The following AHI1 variants were observed in gnomAD, a reference collection of about 807,000 sequenced individuals.
AHI1 encodes jouberin.
In AHI1, 123 loss-of-function variants were observed where a neutral mutation model predicts 149.3. That is an observed-to-expected ratio of 0.82 (90% CI 0.71 to 0.96). The LOEUF is 0.96. AHI1 is among the 40% of genes least tolerant of loss of function. AHI1 has a pLI of 0.00. For missense variants in AHI1, 1,439 were observed against 1,422.7 expected, an observed-to-expected ratio of 1.01 and a Z score of -0.18; for synonymous variants, 475 against 459.8, an observed-to-expected ratio of 1.03 and a Z score of -0.42.
At chr6:135,488,414 AT>A (rs1003216189) in intron 5 of AHI1, among the ~76,000 whole-genome samples, 7 of 152,214 alleles carry the variant, frequency 4.6e-5, no homozygotes, top group South Asian at 2.1e-4. Flanking sequence ...CAATTCCATC[AT>A]TTTAGGCCTG....
intron 25 of AHI1, among the ~76,000 whole-genome samples, chr6:135,322,022 C>T (rs546580200): frequency 5.6e-4 from 85 of 152,244 alleles, no homozygotes; most frequent in Non-Finnish European, 9.1e-4. Flanking sequence ...AGGCTGGTCT[C>T]GAACTCCTGA....
chr6:135,331,532 T>A (rs1385411268), intron 24 of AHI1, among the ~76,000 whole-genome samples: 1 of 152,168 alleles, frequency 6.6e-6, no homozygotes, highest in Non-Finnish European at 1.5e-5. Flanking sequence ...TTCAAGGGAT[T>A]AAATATTATT....
At chr6:135,370,794 T>C (rs531206281) in intron 23 of AHI1, among the ~76,000 whole-genome samples, 15 of 152,300 alleles carry the variant, frequency 9.8e-5, no homozygotes, top group Admixed American at 9.8e-4. Flanking sequence ...ATTTATATGG[T>C]TGCTTTTTAA....
At chr6:135,300,348 A>G (rs990819408) in intron 27 of AHI1, among the ~76,000 whole-genome samples, 152 bp downstream of exon 27, 1 of 151,820 alleles carries the variant, frequency 6.6e-6, no homozygotes, top group African/African-American at 2.4e-5. Flanking sequence ...AAAGAAAAAA[A>G]AATCGTAAAC....
chr6:135,423,891 T>C (rs1783573225), intron 20 of AHI1, among the ~76,000 whole-genome samples: 1 of 151,996 alleles, frequency 6.6e-6, no homozygotes, highest in Non-Finnish European at 1.5e-5. Flanking sequence ...TATCAGACAA[T>C]GCTGAGAACT....
chr6:135,344,901 TCA>T (rs763257742), intron 24 of AHI1, among the ~76,000 whole-genome samples: 4 of 149,004 alleles, frequency 2.7e-5, no homozygotes, highest in South Asian at 2.1e-4. Context: ...AAATTATTTC[TCA>T]GTTTATTGAA....
At chr6:135,313,877 G>A (rs763014191) in intron 26 of AHI1, among the ~76,000 whole-genome samples, 14 of 152,280 alleles carry the variant, frequency 9.2e-5, no homozygotes, top group South Asian at 4.1e-4. Context: ...ACTAAGGGAG[G>A]GGGGGTCAGG....
intron 14 of AHI1, among the ~76,000 whole-genome samples, chr6:135,440,526 C>T (rs538089932): frequency 3.3e-5 from 5 of 152,244 alleles, no homozygotes; most frequent in African/African-American, 1.2e-4. Flanking sequence ...AAAGACCTGA[C>T]AGGCTTTACT....
chr6:135,479,766 A>G (rs1288740078), intron 5 of AHI1, among the ~76,000 whole-genome samples: 1 of 152,168 alleles, frequency 6.6e-6, no homozygotes, highest in Non-Finnish European at 1.5e-5. Context: ...GGGTGGAATG[A>G]TATGGTTTGG....
In AHI1 at chr6:135,483,511, A is replaced by T. The variant is rs148619182; in HGVS notation, c.135+7112T>A. Reference sequence around the variant, plus strand: ...ATAAAATCAAGATAATACGGTATACACAATAAAAGTGAGGAAATTTTGGCT... The same window carrying T: ...ATAAAATCAAGATAATACGGTATACTCAATAAAAGTGAGGAAATTTTGGCT... On this transcript the variant is annotated intron_variant, in intron 5 of 28. Transcript: ENST00000265602. Among the ~76,000 whole-genome samples, 24 of 152,358 alleles carry T rather than the reference A, an allele frequency of 1.6e-4. No homozygotes were observed. In the East Asian group the frequency reaches 4.6e-3, roughly 29 times the overall value.
intron 23 of AHI1, among the ~76,000 whole-genome samples, chr6:135,372,164 G>A (rs1285294646): frequency 6.6e-6 from 1 of 152,164 alleles, no homozygotes; most frequent in Non-Finnish European, 1.5e-5. Context: ...CCCCAGCAGA[G>A]GGGTATCAGT....
chr6:135,322,796 A>T (rs1039041351), intron 25 of AHI1, among the ~76,000 whole-genome samples: 4 of 152,216 alleles, frequency 2.6e-5, no homozygotes, highest in Non-Finnish European at 5.9e-5. Flanking sequence ...GCAGTTGGGG[A>T]ACTAGAAGCT....
intron 26 of AHI1, among the ~76,000 whole-genome samples, chr6:135,310,864 A>G (rs1329044704): frequency 6.6e-6 from 1 of 152,178 alleles, no homozygotes; most frequent in Non-Finnish European, 1.5e-5. Flanking sequence ...ATAGTACTTT[A>G]CTACTTTGGG....
intron 18 of AHI1, among the ~76,000 whole-genome samples, chr6:135,429,598 CAACT>C (rs1222348908): frequency 3.3e-5 from 5 of 151,360 alleles, no homozygotes; most frequent in African/African-American, 1.2e-4. Flanking sequence ...AAAATAAAAG[CAACT>C]AACTACATTT....
rs999393645 is a variant in AHI1, at chr6:135,376,355, T to C, written c.3110-18168A>G. On this transcript the variant is annotated intron_variant, in intron 23 of 28. Coordinates refer to ENST00000265602, the MANE Select transcript of AHI1 (RefSeq NM_001134831.2). Reference sequence around the variant, plus strand: ...TATCATTCCACAGATTATTCAACAATTACAAAGAAAAGAAAATTAATTTTT... The same window carrying C: ...TATCATTCCACAGATTATTCAACAACTACAAAGAAAAGAAAATTAATTTTT... Among the ~76,000 whole-genome samples the C allele has an allele frequency of 2.6e-5, 4 of 152,038 alleles. No homozygotes were observed. In the East Asian group the frequency reaches 5.8e-4, roughly 22 times the overall value.
At position 135,302,622 on chromosome 6, in the gene AHI1, G is replaced by C. The variant is rs569254937; in HGVS notation, c.3427-2064C>G. 3.5e-4 allele frequency: 398 copies of C among 1,143,204 alleles called. 6 individuals are homozygous for C. The East Asian group carries it at 9.2e-3, about 26-fold the overall frequency. The allele number at this position is 1,143,204 out of a possible 1,614,324, so 70.8% of individuals were successfully genotyped here. On this transcript the variant is annotated intron_variant, in intron 26 of 28. Coordinates refer to ENST00000265602, the MANE Select transcript of AHI1 (RefSeq NM_001134831.2). ...AAATTATATGAATCCTAAGTTAGAAGGGGGTCCACATTACAAAGTTTACCA... is the reference window on the plus strand; with the variant it reads ...AAATTATATGAATCCTAAGTTAGAACGGGGTCCACATTACAAAGTTTACCA...
chr6:135,293,413 AAAAAAAAAAAAGAAAAAAAG>A (rs1782637739), intron 27 of AHI1, among the ~76,000 whole-genome samples: 1 of 147,984 alleles, frequency 6.8e-6, no homozygotes. Flanking sequence ...AAAGAAAAAA[AAAAAAAAAAAAGAAAAAAAG>A]AAAGAAAGAA....
At chr6:135,289,377 C>T (rs1006921663) in intron 28 of AHI1, among the ~76,000 whole-genome samples, 9 of 152,004 alleles carry the variant, frequency 5.9e-5, no homozygotes, top group South Asian at 2.1e-4. Context: ...TGCCTGTAGT[C>T]CCAGCTACTC....
rs1167083326 is a variant in AHI1 at position 135,376,881 on chromosome 6, C to CAAAAAAAAA, written c.3109+17886_3109+17894dup. On this transcript the variant is annotated intron_variant, in intron 23 of 28. Coordinates refer to ENST00000265602, the MANE Select transcript of AHI1 (RefSeq NM_001134831.2). ...TCGGTGACAGAGCGAGACTCCATCT[C>CAAAAAAAAA]AAAAAAAAAAAAAAAAAAAAAAAAA... 9.9e-4 allele frequency among the ~76,000 whole-genome samples: 29 copies of CAAAAAAAAA among 29,438 alleles called. 5 individuals carry two copies. The highest frequency in any genetic ancestry group is 3.8e-3 in the African/African-American group (24 of 6,240). The allele number at this position is 29,438 out of a possible 152,430, so 19.3% of individuals were successfully genotyped here. A position where few individuals can be genotyped will look rare whatever the true frequency, so the allele number is the denominator to read the frequency against.
Sources: gnomAD v4.1 joint callset for allele counts (sites outside exome capture counted in the v4.1 genomes callset) on GRCh38, gnomAD v4.1.1 for gene constraint, MANE v1.5 for transcripts, NCBI Gene and HGNC (gene_info 2026-07-23, HGNC 2026-07-21) for gene names.